The following GPHN variants were observed in gnomAD, a reference collection of about 807,000 sequenced individuals.
The protein encoded by GPHN is gephyrin.
Under a neutral mutation model 95.5 loss-of-function variants are expected in GPHN, and 17 were observed. The ratio of observed to expected loss-of-function variants is 0.18; its 90% CI spans 0.12 to 0.27. The LOEUF is 0.27. GPHN is among the 10% of genes least tolerant of loss of function. GPHN has a pLI of 1.00. For missense variants in GPHN, 660 were observed against 978.1 expected, an observed-to-expected ratio of 0.67 and a Z score of 4.34; for synonymous variants, 320 against 322.5, an observed-to-expected ratio of 0.99 and a Z score of 0.08.
intron 6 of GPHN, among the ~76,000 whole-genome samples, chr14:66,919,253 A>G (rs1204851717): frequency 2.0e-5 from 3 of 152,224 alleles, no homozygotes; most frequent in Non-Finnish European, 4.4e-5. Flanking sequence ...AACTAAAAAT[A>G]TGAAACCTCT....
the GPHN span, among the ~76,000 whole-genome samples, chr14:67,194,421 T>A: frequency 6.6e-6 from 1 of 151,858 alleles, no homozygotes; most frequent in East Asian, 1.9e-4. Context: ...TGGTAAAATA[T>A]ACGATGATGA....
chr14:67,219,470 C>A, the GPHN span, among the ~76,000 whole-genome samples: 1 of 152,184 alleles, frequency 6.6e-6, no homozygotes, highest in Non-Finnish European at 1.5e-5. Flanking sequence ...TTGGTCCTTT[C>A]TTGTGGGAGA....
the GPHN span, chr14:67,579,917 C>G: frequency 6.5e-7 from 1 of 1,548,550 alleles, no homozygotes; most frequent in Non-Finnish European, 8.7e-7. Flanking sequence ...CCTCCCTGCT[C>G]AGGGATATTG....
chr14:67,525,239 T>C, the GPHN span, among the ~76,000 whole-genome samples: 4 of 152,166 alleles, frequency 2.6e-5, no homozygotes, highest in Non-Finnish European at 5.9e-5. Context: ...TAAATATACA[T>C]ATAGTTATAT....
Position 66,979,694 on chromosome 14 carries a change from A to G in GPHN, c.963+14369A>G, listed in dbSNP as rs537841614. ...TATGTTCACTGGCGTACCACTTTAAATTTCCTTCCAGAACTTTTCCTTTGC... is the reference window on the plus strand; with the variant it reads ...TATGTTCACTGGCGTACCACTTTAAGTTTCCTTCCAGAACTTTTCCTTTGC... On this transcript the variant is annotated intron_variant, in intron 9 of 22. Coordinates refer to ENST00000478722, the MANE Select transcript of GPHN (RefSeq NM_020806.5). Among the ~76,000 whole-genome samples, 3 of 152,258 alleles carry G rather than the reference A, an allele frequency of 2.0e-5. No homozygotes were observed. In the South Asian group the frequency reaches 6.2e-4, roughly 32 times the overall value.
At chr14:66,816,870 A>G (rs1290443220) in intron 3 of GPHN, among the ~76,000 whole-genome samples, 1 of 152,118 alleles carries the variant, frequency 6.6e-6, no homozygotes, top group African/African-American at 2.4e-5. Context: ...AAGGCTCCAG[A>G]TAGATACAGA....
In GPHN at chr14:66,922,713, T is replaced by C; in HGVS notation, c.504T>C (p.Leu168=). ...CAGCTCTACCTCATGCCATTGACCT[T>C]TTACGTGATGCCATTGTAAAAGTAA... is the stretch of plus-strand genomic sequence containing the variant. ...ILPALPHAID[L]LRDAIVKVKE... Residue 168 remains leucine, a synonymous_variant, in exon 7 of 23, where the codon CTT becomes CTC. Coordinates refer to ENST00000478722, the MANE Select transcript of GPHN (RefSeq NM_020806.5). 1 of 1,613,820 alleles carries C rather than the reference T, an allele frequency of 6.2e-7. No individual in the cohort carries two copies. The highest frequency in any genetic ancestry group is 8.5e-7 in the Non-Finnish European group (1 of 1,179,714).
intron 4 of GPHN, among the ~76,000 whole-genome samples, chr14:66,859,483 G>GA (rs2062940038): frequency 6.6e-6 from 1 of 152,176 alleles, no homozygotes; most frequent in African/African-American, 2.4e-5. Context: ...CAAATACCTG[G>GA]AAAGCCTTTC....
At chr14:66,684,606 A>G (rs1193216752) in intron 2 of GPHN, among the ~76,000 whole-genome samples, 1 of 152,170 alleles carries the variant, frequency 6.6e-6, no homozygotes, top group Non-Finnish European at 1.5e-5. Flanking sequence ...TTTTACTGCC[A>G]TTGTAGTAAA....
the GPHN span, among the ~76,000 whole-genome samples, chr14:67,196,400 AG>A: frequency 6.6e-6 from 1 of 151,772 alleles, no homozygotes. Flanking sequence ...TATTTTCAGT[AG>A]AGACAGGATT....
chr14:66,656,606 G>T (rs991121110), intron 1 of GPHN, among the ~76,000 whole-genome samples: 11 of 152,150 alleles, frequency 7.2e-5, no homozygotes, highest in African/African-American at 2.6e-4. Context: ...TTTTCATTTT[G>T]TCTCTGTGTC....
chr14:67,587,520 C>T, the GPHN span: 6 of 447,006 alleles, frequency 1.3e-5, no homozygotes, highest in Admixed American at 3.6e-5. Context: ...AGGGATGATC[C>T]ACTGTTACTG....
chr14:67,734,621 A>G, the GPHN span, among the ~76,000 whole-genome samples: 1 of 152,194 alleles, frequency 6.6e-6, no homozygotes, highest in South Asian at 2.1e-4. Context: ...GCTGGAATGT[A>G]AGATCCTCAG....
chr14:67,503,240 A>C, the GPHN span, among the ~76,000 whole-genome samples: 1 of 152,344 alleles, frequency 6.6e-6, no homozygotes, highest in South Asian at 2.1e-4. Flanking sequence ...ACAAACTTGC[A>C]GCAGAGATGG....
chr14:67,546,814 T>C, the GPHN span, among the ~76,000 whole-genome samples: 1 of 152,330 alleles, frequency 6.6e-6, no homozygotes, highest in Admixed American at 6.5e-5. Context: ...TGCAGTGAGC[T>C]GTGATCACAC....
the GPHN span, chr14:67,203,189 T>C: frequency 6.2e-7 from 1 of 1,613,952 alleles, no homozygotes; most frequent in Admixed American, 1.7e-5. Flanking sequence ...AGATCCCCAA[T>C]GTGATGCTAC....
At chr14:66,811,316 AT>A (rs372923983) in intron 3 of GPHN, among the ~76,000 whole-genome samples, 5 of 152,212 alleles carry the variant, frequency 3.3e-5, no homozygotes, top group African/African-American at 9.6e-5. Flanking sequence ...AAAAGAAAGG[AT>A]TTGTCATTCT....
intron 1 of GPHN, among the ~76,000 whole-genome samples, chr14:66,534,180 G>A (rs1002321023): frequency 6.6e-6 from 1 of 152,102 alleles, no homozygotes; most frequent in Non-Finnish European, 1.5e-5. Context: ...TAATTGTATA[G>A]CATGGTGAGT....
the GPHN span, among the ~76,000 whole-genome samples, chr14:67,484,972 G>A: frequency 5.9e-5 from 9 of 152,224 alleles, no homozygotes; most frequent in East Asian, 1.9e-4. Context: ...TCCAGCAAGC[G>A]GAAAACTGTA....
Sources: gnomAD v4.1 joint callset for allele counts (sites outside exome capture counted in the v4.1 genomes callset) on GRCh38, gnomAD v4.1.1 for gene constraint, MANE v1.5 for transcripts, NCBI Gene and HGNC (gene_info 2026-07-23, HGNC 2026-07-21) for gene names.